Variants in ZBTB7C observed in about 807,000 individuals in gnomAD.
The protein encoded by ZBTB7C is zinc finger and BTB domain-containing protein 7C.
ZBTB7C carries 8 observed loss-of-function variants against 25.7 expected under a neutral mutation model. That is an observed-to-expected ratio of 0.31 (90% CI 0.18 to 0.56). The LOEUF (loss-of-function observed/expected upper bound fraction) is 0.56. Among genes scored for constraint, ZBTB7C ranks in the 20% least tolerant of loss-of-function variants. ZBTB7C has a pLI of 0.91. For synonymous variants in ZBTB7C, 394 were observed against 369.0 expected (o/e 1.07, Z -0.78); for missense variants, 824 against 855.2 (o/e 0.96, Z 0.46).
At chr18:48,372,361 A>G (rs945652941) in intron 1 of ZBTB7C, among the ~76,000 whole-genome samples, 11 of 152,182 alleles carry the variant, frequency 7.2e-5, no homozygotes, top group Admixed American at 2.0e-4. Flanking sequence ...GCCTCCTGAC[A>G]TTTCCCAGTC....
chr18:48,380,454 G>A (rs1358378024), intron 1 of ZBTB7C, among the ~76,000 whole-genome samples: 3 of 152,112 alleles, frequency 2.0e-5, no homozygotes, highest in South Asian at 2.1e-4. Context: ...CGGAGACATC[G>A]GTATGAACTC....
chr18:48,240,599 C>T (rs1044990937), intron 2 of ZBTB7C, among the ~76,000 whole-genome samples: 1 of 152,100 alleles, frequency 6.6e-6, no homozygotes, highest in African/African-American at 2.4e-5. Context: ...CAAAACTAAG[C>T]TTCATAAATG....
chr18:48,189,154 C>T (rs1040109178), intron 2 of ZBTB7C, among the ~76,000 whole-genome samples: 1 of 152,228 alleles, frequency 6.6e-6, no homozygotes, highest in African/African-American at 2.4e-5. Context: ...CTGCCCAGGG[C>T]ACAAAGCATG....
intron 2 of ZBTB7C, among the ~76,000 whole-genome samples, chr18:48,297,719 G>A (rs1171758063): frequency 1.3e-5 from 2 of 152,170 alleles, no homozygotes; most frequent in East Asian, 1.9e-4. Context: ...ATACATCACG[G>A]TTAAAAATCA....
intron 3 of ZBTB7C, among the ~76,000 whole-genome samples, chr18:48,133,706 G>A (rs907519299): frequency 3.3e-5 from 5 of 151,536 alleles, no homozygotes; most frequent in Non-Finnish European, 7.4e-5. Flanking sequence ...CTCCGTGGAA[G>A]TTACTATGAA....
intron 1 of ZBTB7C, among the ~76,000 whole-genome samples, chr18:48,392,602 C>T (rs2145267456): frequency 6.6e-6 from 1 of 152,328 alleles, no homozygotes; most frequent in East Asian, 1.9e-4. Flanking sequence ...AGTGTTACAG[C>T]TCTTTCAGAA....
chr18:48,316,127 C>G (rs942243907), intron 2 of ZBTB7C, among the ~76,000 whole-genome samples: 2 of 152,152 alleles, frequency 1.3e-5, no homozygotes, highest in Admixed American at 1.3e-4. Context: ...CTTAAAAGAA[C>G]ACTCCCTTCC....
intron 2 of ZBTB7C, among the ~76,000 whole-genome samples, chr18:48,286,021 G>C (rs957751810): frequency 6.6e-6 from 1 of 152,038 alleles, no homozygotes; most frequent in Non-Finnish European, 1.5e-5. Context: ...TCCCCTTGAG[G>C]GATTTAGAAC....
chr18:48,390,108 CT>C (rs2047864628), intron 1 of ZBTB7C, among the ~76,000 whole-genome samples: 1 of 152,148 alleles, frequency 6.6e-6, no homozygotes, highest in African/African-American at 2.4e-5. Flanking sequence ...GATACCTGTG[CT>C]TTTCTGTTTT....
At chr18:48,193,350 A>G (rs1423614345) in intron 2 of ZBTB7C, among the ~76,000 whole-genome samples, 1 of 150,168 alleles carries the variant, frequency 6.7e-6, no homozygotes, top group East Asian at 2.6e-4. Flanking sequence ...TCGCAGGTCT[A>G]GAGGCTAGAC....
chr18:48,351,040 T>C (rs2046851772), intron 1 of ZBTB7C, among the ~76,000 whole-genome samples: 1 of 151,944 alleles, frequency 6.6e-6, no homozygotes, highest in Non-Finnish European at 1.5e-5. Context: ...TGGATGTCTG[T>C]AGAATAAATT....
In ZBTB7C at chr18:48,345,443, G is replaced by A. The variant is rs77145175; in HGVS notation, c.-303-7045C>T. ...GGACTCTTCTAGAACAGCAGCCTCA[G>A]AATTCACTTAGGAATTGGGCATGTT... On this transcript the variant is annotated intron_variant, in intron 1 of 4. Transcript: ENST00000590800. 2.3e-3 allele frequency among the ~76,000 whole-genome samples: 356 copies of A among 152,258 alleles called. 1 individual carries two copies. The highest frequency in any genetic ancestry group is 4.1e-3 in the Non-Finnish European group (281 of 68,020).
At chr18:48,137,620 C>T (rs1168697887) in intron 3 of ZBTB7C, among the ~76,000 whole-genome samples, 2 of 152,146 alleles carry the variant, frequency 1.3e-5, no homozygotes, top group African/African-American at 4.8e-5. Flanking sequence ...TGTAACTTAA[C>T]CAAATCAAAC....
At position 48,093,454 on chromosome 18, in the gene ZBTB7C, G is replaced by T. The variant is rs188790423; in HGVS notation, c.-16-52331C>A. Among the ~76,000 whole-genome samples the T allele has an allele frequency of 5.8e-3, 888 of 152,254 alleles. 5 individuals carry two copies. The highest frequency in any genetic ancestry group is 7.6e-3 in the Non-Finnish European group (516 of 68,006). On this transcript the variant is annotated intron_variant, in intron 3 of 4. Transcript: ENST00000590800. ...TGAAATCCAAAAAGTTTATATGAATGACTCGGAGTGGAATTTAAGACACCT... is the reference window on the plus strand; with the variant it reads ...TGAAATCCAAAAAGTTTATATGAATTACTCGGAGTGGAATTTAAGACACCT...
At chr18:48,287,272 AT>A (rs1340068851) in intron 2 of ZBTB7C, among the ~76,000 whole-genome samples, 3 of 152,206 alleles carry the variant, frequency 2.0e-5, no homozygotes, top group African/African-American at 4.8e-5. Context: ...ATGCCAAAAT[AT>A]TTTTATATGC....
At chr18:48,385,539 C>A (rs549479587) in intron 1 of ZBTB7C, among the ~76,000 whole-genome samples, 26 of 152,326 alleles carry the variant, frequency 1.7e-4, no homozygotes, top group South Asian at 4.1e-4. Context: ...AAAGTCACCC[C>A]CCTTGCAAGT....
intron 3 of ZBTB7C, among the ~76,000 whole-genome samples, chr18:48,078,568 C>T (rs1182406820): frequency 2.0e-5 from 3 of 152,186 alleles, no homozygotes; most frequent in Non-Finnish European, 4.4e-5. Flanking sequence ...TCGTGGGATG[C>T]TTGGGGGCTC....
intron 2 of ZBTB7C, among the ~76,000 whole-genome samples, chr18:48,252,005 C>T (rs1401063507): frequency 1.3e-5 from 2 of 152,184 alleles, no homozygotes; most frequent in Non-Finnish European, 2.9e-5. Flanking sequence ...TTACCCCAGA[C>T]AATGACACCA....
intron 3 of ZBTB7C, among the ~76,000 whole-genome samples, chr18:48,064,868 C>A (rs1418991075): frequency 6.6e-6 from 1 of 152,174 alleles, no homozygotes; most frequent in Admixed American, 6.5e-5. Flanking sequence ...AGGAAAATGG[C>A]AGGAGAAGAC....
Sources: allele counts gnomAD v4.1 joint callset (sites outside exome capture counted in the v4.1 genomes callset), GRCh38; gene constraint gnomAD v4.1.1; transcripts MANE v1.5; gene names NCBI Gene and HGNC (gene_info 2026-07-23, HGNC 2026-07-21).